Variants in ZNRF1 observed in about 807,000 individuals in gnomAD.
The protein encoded by ZNRF1 is zinc and ring finger 1.
ZNRF1 carries 3 observed loss-of-function variants against 18.4 expected under a neutral mutation model. The ratio of observed to expected loss-of-function variants is 0.16; its 90% CI spans 0.07 to 0.42. The LOEUF is 0.42. Among genes scored for constraint, ZNRF1 ranks in the 10% least tolerant of loss-of-function variants. The pLI is 0.99. For missense variants in ZNRF1, 310 were observed against 329.8 expected (o/e 0.94, Z 0.47); for synonymous variants, 157 against 144.2 (o/e 1.09, Z -0.64).
chr16:75,078,280 T>C (rs1316583430), intron 1 of ZNRF1, among the ~76,000 whole-genome samples: 3 of 150,412 alleles, frequency 2.0e-5, no homozygotes, highest in Non-Finnish European at 3.0e-5. Flanking sequence ...TTCTCTTCCA[T>C]ACATTTCTTT....
At chr16:75,042,904 A>G (rs2035467909) in intron 1 of ZNRF1, among the ~76,000 whole-genome samples, 1 of 152,188 alleles carries the variant, frequency 6.6e-6, no homozygotes, top group Admixed American at 6.5e-5. Context: ...TTGATGTATT[A>G]GCGTTCTTCC....
intron 2 of ZNRF1, among the ~76,000 whole-genome samples, chr16:75,103,896 A>G (rs1170862340): frequency 1.3e-5 from 2 of 152,108 alleles, no homozygotes; most frequent in Non-Finnish European, 2.9e-5. Flanking sequence ...GAGACAGGAA[A>G]ATCACTTGAA....
chr16:75,055,902 A>G (rs964071893), intron 1 of ZNRF1, among the ~76,000 whole-genome samples: 1 of 152,144 alleles, frequency 6.6e-6, no homozygotes, highest in Non-Finnish European at 1.5e-5. Flanking sequence ...TTCTAAGAAA[A>G]CCATCAATGT....
chr16:75,014,200 G>C (rs991931555), intron 1 of ZNRF1, among the ~76,000 whole-genome samples: 3 of 152,160 alleles, frequency 2.0e-5, no homozygotes, highest in African/African-American at 7.2e-5. Flanking sequence ...CTACCAAGCA[G>C]ATTATAATAA....
intron 1 of ZNRF1, among the ~76,000 whole-genome samples, chr16:75,049,466 A>G (rs1411355513): frequency 6.6e-6 from 1 of 152,124 alleles, no homozygotes; most frequent in Non-Finnish European, 1.5e-5. Context: ...AGCTGGGACC[A>G]CAGGTGTGCA....
At chr16:75,043,432 CA>C (rs1350531639) in intron 1 of ZNRF1, among the ~76,000 whole-genome samples, 1 of 152,148 alleles carries the variant, frequency 6.6e-6, no homozygotes, top group Non-Finnish European at 1.5e-5. Flanking sequence ...ACATTTTAGA[CA>C]TGTGTTTGTT....
At chr16:75,029,954 T>G (rs1012647275) in intron 1 of ZNRF1, among the ~76,000 whole-genome samples, 23 of 148,442 alleles carry the variant, frequency 1.5e-4, no homozygotes, top group African/African-American at 5.5e-4. Flanking sequence ...TCCCAGCTAC[T>G]CAAGAGGCCA....
intron 1 of ZNRF1, among the ~76,000 whole-genome samples, chr16:75,077,308 G>A (rs947313402): frequency 4.6e-5 from 7 of 152,334 alleles, no homozygotes; most frequent in Non-Finnish European, 5.9e-5. Context: ...TGAGGCAGGC[G>A]GATCACCTGA....
chr16:75,009,948 TA>T (rs34072346), intron 1 of ZNRF1, among the ~76,000 whole-genome samples: 132,148 of 151,924 alleles, frequency 0.87, 58,063 homozygotes, highest in Non-Finnish European at 0.93. Flanking sequence ...TTTGGAGAAA[TA>T]ATCTATTTAT....
chr16:75,046,696 C>G (rs1488463569), intron 1 of ZNRF1: 1 of 152,426 alleles, frequency 6.6e-6, no homozygotes, highest in Non-Finnish European at 1.5e-5. Context: ...CTGCCTCAGC[C>G]TCCCAAGTAG....
At chr16:75,056,708 C>T (rs2035672610) in intron 1 of ZNRF1, among the ~76,000 whole-genome samples, 1 of 152,104 alleles carries the variant, frequency 6.6e-6, no homozygotes, top group Non-Finnish European at 1.5e-5. Context: ...CTCACTGCAA[C>T]CTCTACCTTC....
chr16:75,087,240 C>T (rs1003378566), intron 1 of ZNRF1, among the ~76,000 whole-genome samples: 1 of 152,180 alleles, frequency 6.6e-6, no homozygotes, highest in Admixed American at 6.5e-5. Flanking sequence ...CATTGATGCA[C>T]ATGACCACAT....
intron 1 of ZNRF1, among the ~76,000 whole-genome samples, chr16:75,066,039 A>G (rs948559549): frequency 6.6e-6 from 1 of 152,212 alleles, no homozygotes; most frequent in Non-Finnish European, 1.5e-5. Context: ...GCCAAACCAC[A>G]GGGTCAGAAG....
At chr16:75,053,975 A>C (rs2035639049) in intron 1 of ZNRF1, among the ~76,000 whole-genome samples, 1 of 152,224 alleles carries the variant, frequency 6.6e-6, no homozygotes, top group Non-Finnish European at 1.5e-5. Flanking sequence ...GCCATGGTCA[A>C]AACTTTACTT....
At chr16:75,002,968 T>C (rs1408660321) in intron 1 of ZNRF1, among the ~76,000 whole-genome samples, 2 of 152,240 alleles carry the variant, frequency 1.3e-5, no homozygotes, top group Non-Finnish European at 2.9e-5. Context: ...CATTCTTTTT[T>C]TTGAGACAGA....
At chr16:75,074,869 G>A (rs940406086) in intron 1 of ZNRF1, among the ~76,000 whole-genome samples, 1 of 152,106 alleles carries the variant, frequency 6.6e-6, no homozygotes, top group Non-Finnish European at 1.5e-5. Flanking sequence ...GGACTTGGAG[G>A]CCAGCCTGGG....
At chr16:75,062,839 A>T (rs2035759809) in intron 1 of ZNRF1, among the ~76,000 whole-genome samples, 1 of 152,198 alleles carries the variant, frequency 6.6e-6, no homozygotes, top group African/African-American at 2.4e-5. Context: ...GCCTTTTCTA[A>T]TGCAGACTTT....
At chr16:75,076,057 C>G (rs1451440003) in intron 1 of ZNRF1, among the ~76,000 whole-genome samples, 2 of 152,184 alleles carry the variant, frequency 1.3e-5, no homozygotes, top group African/African-American at 4.8e-5. Flanking sequence ...TATGCCATAG[C>G]AAATATCAAA....
intron 1 of ZNRF1, among the ~76,000 whole-genome samples, chr16:75,077,363 T>C (rs2035952881): frequency 6.6e-6 from 1 of 152,092 alleles, no homozygotes; most frequent in South Asian, 2.1e-4. Context: ...ACAAACCCCG[T>C]CTCTACTAAA....
Sources: allele counts gnomAD v4.1 joint callset (sites outside exome capture counted in the v4.1 genomes callset), GRCh38; gene constraint gnomAD v4.1.1; transcripts MANE v1.5; gene names NCBI Gene and HGNC (gene_info 2026-07-23, HGNC 2026-07-21).